Variants in COL6A2 observed in about 807,000 individuals in gnomAD.
COL6A2 encodes collagen alpha-2(VI) chain.
Under a neutral mutation model 124.9 loss-of-function variants are expected in COL6A2, and 90 were observed. That is an observed-to-expected ratio of 0.72 (90% confidence interval 0.61 to 0.86). COL6A2 has a LOEUF of 0.86. Ranked by LOEUF, COL6A2 falls within the 40% of genes least tolerant of loss-of-function variation. The probability of loss-of-function intolerance (pLI) is 0.00; values close to 1 mark genes in which losing one functional copy is unlikely to be tolerated. For missense variants in COL6A2, 1,607 were observed against 1,502.5 expected, an observed-to-expected ratio of 1.07 and a Z score of -1.15; for synonymous variants, 793 against 618.2, an observed-to-expected ratio of 1.28 and a Z score of -4.19.
intron 1 of COL6A2, among the ~76,000 whole-genome samples, chr21:46,103,235 T>C (rs1357986668): frequency 6.6e-6 from 1 of 152,194 alleles, no homozygotes; most frequent in Admixed American, 6.5e-5. Context: ...ACTCTTATAA[T>C]CTTTTTTATT....
Position 46,124,913 on chromosome 21 carries a change from G to C in COL6A2, c.1763G>C (p.Gly588Ala). Residue 588 changes from glycine (G) to alanine (A), a missense_variant, in exon 23 of 28, where the codon GGT (glycine) becomes GCT (alanine). Transcript: ENST00000300527. ...EGEPGPPGDP[G>A]LTECDVMTYV... is the part of the protein sequence containing the mutation. ...GAGCCCGGCCCCCCTGGAGACCCCGGTCTCACGGTAGGTGTCACATGGGGC... is the reference window on the plus strand; with the variant it reads ...GAGCCCGGCCCCCCTGGAGACCCCGCTCTCACGGTAGGTGTCACATGGGGC... 6.2e-7 allele frequency: 1 copy of C among 1,612,910 alleles called. No individual in the cohort carries two copies. The highest frequency in any genetic ancestry group is 8.5e-7 in the Non-Finnish European group (1 of 1,180,002).
At chr21:46,111,371 T>C in intron 1 of COL6A2, 79 bp from the exon 2 acceptor site, 3 of 770,136 alleles carry the variant, frequency 3.9e-6, no homozygotes, top group South Asian at 1.5e-5. Context: ...GCTGACCTGC[T>C]GTGCGTGCGC....
At position 46,132,000 on chromosome 21, in the gene COL6A2, C is replaced by A. The variant is rs727502835; in HGVS notation, c.2508C>A (p.Phe836Leu). 24 of 1,610,162 alleles carry A rather than the reference C, an allele frequency of 1.5e-5. No individual in the cohort carries two copies. Among genetic ancestry groups the A allele is most frequent in the Non-Finnish European group, 1.9e-5 (22 of 1,179,484 alleles). Residue 836 changes from phenylalanine (F) to leucine (L), a missense_variant, in exon 28 of 28, where the codon TTC becomes TTA. Transcript: ENST00000300527. ...CGCAGCGGCCCGTGGACATCGTCTT[C>A]CTGCTGGACGGCTCCGAGCGGCTGG... ...QCTQRPVDIV[F>L]LLDGSERLGE... is the part of the protein sequence containing the mutation.
In COL6A2 at chr21:46,122,510, G is replaced by A; in HGVS notation, c.1587G>A (p.Glu529=). The change falls in exon 20 of 28, where the codon GAG becomes GAA. Residue 529 remains glutamate (E), a synonymous_variant. Transcript: ENST00000300527. The stretch of plus-strand genomic sequence containing the variant: ...TTGCTTCACAGGGAGAAAAAGGCGA[G>A]CCCGGCCCACGCGGCCCCGAGGTAT... ...GPRGAPGEKG[E]PGPRGPEGGR... 1 of 1,612,772 alleles carries A rather than the reference G, an allele frequency of 6.2e-7. No homozygotes were observed. Among genetic ancestry groups the A allele is most frequent in the Non-Finnish European group, 8.5e-7 (1 of 1,179,972 alleles).
In COL6A2 at chr21:46,116,308, G is replaced by C. The variant is rs1370979266; in HGVS notation, c.901-69G>C. The stretch of plus-strand genomic sequence containing the variant: ...ACCGAGCACTCCCCTCAGCCTGCAG[G>C]GCTGGCCCTTCCCTGCCTGTGTCTC... On this transcript the variant is annotated intron_variant, in intron 7 of 27. Coordinates refer to ENST00000300527, the MANE Select transcript of COL6A2 (RefSeq NM_001849.4). This position sits in a 1 kb window ranked among gnomAD's most constrained non-coding sequence, Gnocchi z 4.6. 4 of 1,571,228 alleles carry C rather than the reference G, an allele frequency of 2.5e-6. No homozygotes were observed. The highest frequency in any genetic ancestry group is 3.5e-6 in the Non-Finnish European group (4 of 1,146,512).
At chr21:46,112,752 C>T (rs1422989538) in intron 3 of COL6A2, 52 bp from the exon 4 acceptor site, 17 of 1,612,906 alleles carry the variant, frequency 1.1e-5, no homozygotes, top group East Asian at 4.5e-5. Flanking sequence ...GAGGTGCAGC[C>T]GCCCCAGGTC....
intron 27 of COL6A2, among the ~76,000 whole-genome samples, chr21:46,127,320 G>C (rs529884005): frequency 4.7e-4 from 72 of 152,270 alleles, no homozygotes; most frequent in African/African-American, 1.6e-3. Flanking sequence ...TCAGCACGCG[G>C]GTCGCGGTGT....
intron 12 of COL6A2, among the ~76,000 whole-genome samples, chr21:46,118,180 G>A (rs1343625428): frequency 6.6e-6 from 1 of 152,106 alleles, no homozygotes; most frequent in Non-Finnish European, 1.5e-5. Flanking sequence ...CCTCCTCCCA[G>A]GTGGAGCCCC....
At chr21:46,098,497 C>T (rs1358205634) in intron 1 of COL6A2, among the ~76,000 whole-genome samples, 2 of 151,858 alleles carry the variant, frequency 1.3e-5, no homozygotes, top group Non-Finnish European at 2.9e-5. Context: ...TGCTGGGACC[C>T]CCGCTCCCGA....
At position 46,132,621 on chromosome 21, in the gene COL6A2, G is replaced by C; in HGVS notation, c.*69G>C. 7.0e-7 allele frequency: 1 copy of C among 1,427,476 alleles called. No individual in the cohort carries two copies. 88.4% of individuals were successfully genotyped at this position (1,427,476 alleles called of 1,614,324 possible). ...CGTCCATGGTGCTAAGCGGGCCCGG[G>C]TCCCACACGGCCAGCACCGCTGCTC... On this transcript the variant is annotated 3_prime_UTR_variant, in exon 28 of 28. Transcript: ENST00000300527.
chr21:46,124,380 G>C (rs184512050), intron 21 of COL6A2, among the ~76,000 whole-genome samples: 3 of 152,250 alleles, frequency 2.0e-5, no homozygotes, highest in Admixed American at 2.0e-4. Context: ...ATTGGAATGA[G>C]CTGTTTTGGC....
In COL6A2 at chr21:46,111,207, C is replaced by A. The variant is rs9977654; in HGVS notation, c.-27-243C>A. ...AAGGGCCTCAACCATCCAAATCCCA[C>A]CCAAAACTGAGCCCAGAGGCACCCA... On this transcript the variant is annotated intron_variant, in intron 1 of 27. Transcript: ENST00000300527. Among the ~76,000 whole-genome samples, 2,133 of 152,346 alleles carry A rather than the reference C, an allele frequency of 0.014. 45 individuals carry two copies. Among genetic ancestry groups the A allele is most frequent in the African/African-American group, 0.049 (2,046 of 41,578 alleles).
intron 13 of COL6A2, 99 bp downstream of exon 13, chr21:46,118,775 T>C: frequency 7.1e-7 from 1 of 1,400,870 alleles, no homozygotes; most frequent in Non-Finnish European, 9.9e-7. Flanking sequence ...GCTGTCACCA[T>C]GGTGCCGCAT....
intron 14 of COL6A2, among the ~76,000 whole-genome samples, 195 bp downstream of exon 14, chr21:46,119,314 G>A (rs1389752488): frequency 6.6e-6 from 1 of 152,178 alleles, no homozygotes; most frequent in Non-Finnish European, 1.5e-5. Context: ...TAGAGGTAAA[G>A]CCCAGGCAGG....
chr21:46,099,455 C>CAAAAAA (rs35690093), intron 1 of COL6A2, among the ~76,000 whole-genome samples: 2 of 68,700 alleles, frequency 2.9e-5, no homozygotes, highest in African/African-American at 5.7e-5. Context: ...GAGACTGTCT[C>CAAAAAA]AAAAAAAAAA....
At chr21:46,129,717 T>C in intron 27 of COL6A2, 1 of 1,400,824 alleles carries the variant, frequency 7.1e-7, no homozygotes, top group East Asian at 2.6e-5. Context: ...CGTCTTCCTG[T>C]GGCCGCTCTC....
intron 1 of COL6A2, among the ~76,000 whole-genome samples, chr21:46,107,107 A>T (rs539214571): frequency 6.6e-6 from 1 of 152,072 alleles, no homozygotes; most frequent in Non-Finnish European, 1.5e-5. Flanking sequence ...GCACATTTTT[A>T]TTCAGTTGAT....
At chr21:46,129,597 G>A (rs1327884367) in intron 27 of COL6A2, 4 of 1,436,642 alleles carry the variant, frequency 2.8e-6, no homozygotes, top group Non-Finnish European at 3.6e-6. Context: ...TCTGGAATCG[G>A]GGTCAGCGGG....
intron 17 of COL6A2, 84 bp downstream of exon 17, chr21:46,121,207 C>T (rs1291308225): frequency 1.5e-6 from 2 of 1,348,180 alleles, no homozygotes; most frequent in South Asian, 1.2e-5. Flanking sequence ...TGGAGCTAGC[C>T]ACTGTCCCCA....
Sources: gnomAD v4.1 joint callset for allele counts (sites outside exome capture counted in the v4.1 genomes callset) on GRCh38, gnomAD v4.1.1 for gene constraint, Gnocchi (gnomAD v3.1) non-coding constraint, MANE v1.5 for transcripts, NCBI Gene and HGNC (gene_info 2026-07-23, HGNC 2026-07-21) for gene names.